The following ARSG variants were observed in gnomAD, a reference collection of about 807,000 sequenced individuals.
The protein encoded by ARSG is arylsulfatase G.
In ARSG, 37 loss-of-function variants were observed where a neutral mutation model predicts 50.5. The observed-to-expected ratio is 0.73, with a 90% confidence interval of 0.56 to 0.96. The LOEUF (loss-of-function observed/expected upper bound fraction) is 0.96. ARSG is among the 50% of genes least tolerant of loss of function. The pLI is 0.00. For missense variants in ARSG, 629 were observed against 675.3 expected, an observed-to-expected ratio of 0.93 and a Z score of 0.76; for synonymous variants, 225 against 254.6, an observed-to-expected ratio of 0.88 and a Z score of 1.11.
chr17:68,417,613 G>GT, intron 11 of ARSG, among the ~76,000 whole-genome samples: 1 of 151,762 alleles, frequency 6.6e-6, no homozygotes, highest in South Asian at 2.1e-4. Flanking sequence ...GTTTCTGCTT[G>GT]TGGGTTTCTG....
At chr17:68,362,848 A>G (rs1480936316) in intron 6 of ARSG, among the ~76,000 whole-genome samples, 2 of 152,066 alleles carry the variant, frequency 1.3e-5, no homozygotes, top group Non-Finnish European at 2.9e-5. Flanking sequence ...CCTGGTCTCA[A>G]TTAGATGTTA....
At position 68,307,859 on chromosome 17, in the gene ARSG, C is replaced by T. The variant is rs2076668206; in HGVS notation, c.218+148C>T. ...ATTAATTAATTTGGTTTGAAGCCAG[C>T]ATAGCATCGTGAAGAAATCCAGCCA... On this transcript the variant is annotated intron_variant, in intron 2 of 11. Coordinates refer to ENST00000621439, the MANE Select transcript of ARSG (RefSeq NM_001267727.2). 6 of 600,958 alleles carry T rather than the reference C, an allele frequency of 1.0e-5. No homozygotes were observed. In the South Asian group the frequency reaches 1.3e-4, roughly 13 times the overall value. The allele number at this position is 600,958 out of a possible 1,614,324, so 37.2% of individuals were successfully genotyped here.
At chr17:68,430,103 A>G in the ARSG span, 2 of 1,614,016 alleles carry the variant, frequency 1.2e-6, no homozygotes, top group Non-Finnish European at 1.7e-6. Flanking sequence ...GGTAGTTGGT[A>G]GCAGCCATAA....
chr17:68,340,400 T>A (rs1004567108), intron 2 of ARSG, among the ~76,000 whole-genome samples: 1 of 152,152 alleles, frequency 6.6e-6, no homozygotes, highest in Non-Finnish European at 1.5e-5. Context: ...TTCTCATGCT[T>A]CAGCCTCCTG....
chr17:68,382,583 C>T (rs1391191521), intron 8 of ARSG, among the ~76,000 whole-genome samples: 2 of 152,206 alleles, frequency 1.3e-5, no homozygotes, highest in African/African-American at 2.4e-5. Context: ...AGATAAAACA[C>T]AACACGCCTG....
intron 1 of ARSG, among the ~76,000 whole-genome samples, chr17:68,301,083 A>C (rs1343805498): frequency 6.6e-6 from 1 of 150,724 alleles, no homozygotes; most frequent in Non-Finnish European, 1.5e-5. Context: ...GCACCACTGC[A>C]CTCCAGCCTG....
At chr17:68,331,003 G>A (rs533342386) in intron 2 of ARSG, among the ~76,000 whole-genome samples, 1 of 147,260 alleles carries the variant, frequency 6.8e-6, no homozygotes, top group Admixed American at 6.8e-5. Context: ...GTGGTGGGCG[G>A]GGACAGAGTG....
At chr17:68,431,255 G>A in the ARSG span, among the ~76,000 whole-genome samples, 14 of 152,156 alleles carry the variant, frequency 9.2e-5, no homozygotes, top group East Asian at 3.9e-4. Flanking sequence ...AGGGAGAGGC[G>A]GATGAGGTTC....
In ARSG at chr17:68,307,440, T is replaced by C. The variant is rs1390520022; in HGVS notation, c.-54T>C. The C allele has an allele frequency of 2.8e-6, 4 of 1,416,298 alleles. No individual in the cohort carries two copies. Among genetic ancestry groups the C allele is most frequent in the Non-Finnish European group, 3.9e-6 (4 of 1,014,908 alleles). The allele number at this position is 1,416,298 out of a possible 1,614,324, so 87.7% of individuals were successfully genotyped here. On this transcript the variant is annotated 5_prime_UTR_variant, in exon 2 of 12. Transcript: ENST00000621439. The stretch of plus-strand genomic sequence containing the variant: ...AGCAGAAAGGAAGCTCTCAGAAAAA[T>C]CTCTAGTGGTGGCTGCCGTCGCTCC...
At chr17:68,389,642 T>G (rs72841850) in intron 9 of ARSG, among the ~76,000 whole-genome samples, 25,057 of 152,104 alleles carry the variant, frequency 0.16, 4,049 homozygotes, top group African/African-American at 0.4. Flanking sequence ...AGTTCTCTTC[T>G]TGCCTTCATT....
chr17:68,402,080 T>C (rs757637283), intron 11 of ARSG, among the ~76,000 whole-genome samples: 4 of 152,222 alleles, frequency 2.6e-5, no homozygotes, highest in African/African-American at 7.2e-5. Context: ...TTTTAAGCCT[T>C]TATGGCCCAA....
At chr17:68,391,977 C>T (rs1348267794) in intron 9 of ARSG, among the ~76,000 whole-genome samples, 1 of 152,214 alleles carries the variant, frequency 6.6e-6, no homozygotes, top group Non-Finnish European at 1.5e-5. Flanking sequence ...CAACAGGAGA[C>T]GGAGCCTCAG....
chr17:68,422,228 C>G (rs1291664719), downstream of ARSG: 1 of 170,228 alleles, frequency 5.9e-6, no homozygotes. Flanking sequence ...GAGTTTGAGA[C>G]CAGCCTGGCC....
chr17:68,362,937 T>TAATGAATG (rs900401476), intron 6 of ARSG, among the ~76,000 whole-genome samples: 1 of 152,144 alleles, frequency 6.6e-6, no homozygotes, highest in South Asian at 2.1e-4. Flanking sequence ...AATAAATATT[T>TAATGAATG]AATGAATGAA....
intron 1 of ARSG, among the ~76,000 whole-genome samples, chr17:68,265,198 T>C (rs1415193449): frequency 6.9e-6 from 1 of 145,066 alleles, no homozygotes; most frequent in Non-Finnish European, 1.5e-5. Context: ...AATTAACAAA[T>C]GTGTTAGCTA....
intron 3 of ARSG, 191 bp from the exon 4 acceptor site, chr17:68,346,934 A>T (rs549592265): frequency 1.3e-6 from 2 of 1,506,066 alleles, no homozygotes; most frequent in Non-Finnish European, 8.9e-7. Context: ...GTCATCCTTT[A>T]TGTGTCCCTG....
the ARSG span, chr17:68,436,368 C>A: frequency 6.2e-7 from 1 of 1,612,776 alleles, no homozygotes; most frequent in Non-Finnish European, 8.5e-7. Flanking sequence ...TCAGCCAGGT[C>A]ACCGTCAACT....
the ARSG span, among the ~76,000 whole-genome samples, chr17:68,435,381 G>A: frequency 7.9e-5 from 12 of 152,156 alleles, no homozygotes; most frequent in Non-Finnish European, 1.2e-4. Context: ...ATAAGACCAC[G>A]AGTTTTCATG....
intron 6 of ARSG, among the ~76,000 whole-genome samples, chr17:68,358,043 C>A (rs1370907000): frequency 1.3e-5 from 2 of 151,492 alleles, no homozygotes; most frequent in African/African-American, 4.8e-5. Context: ...TCGCTACAAG[C>A]AATACAAAAA....
Sources: gnomAD v4.1 joint callset for allele counts (sites outside exome capture counted in the v4.1 genomes callset) on GRCh38, gnomAD v4.1.1 for gene constraint, MANE v1.5 for transcripts, NCBI Gene and HGNC (gene_info 2026-07-23, HGNC 2026-07-21) for gene names.